Variants in GMDS observed in about 807,000 individuals in gnomAD.
GMDS encodes GDP-mannose 4,6 dehydratase.
GMDS carries 20 observed loss-of-function variants against 49.9 expected under a neutral mutation model. The ratio of observed to expected loss-of-function variants is 0.40; its 90% CI spans 0.28 to 0.58. GMDS has a LOEUF of 0.58. Ranked by LOEUF, GMDS falls within the 20% of genes least tolerant of loss-of-function variation. GMDS has a pLI of 0.42. For missense variants in GMDS, 362 were observed against 481.4 expected, an observed-to-expected ratio of 0.75 and a Z score of 2.32; for synonymous variants, 177 against 178.6, an observed-to-expected ratio of 0.99 and a Z score of 0.07.
intron 9 of GMDS, among the ~76,000 whole-genome samples, chr6:1,703,075 G>A (rs141691430): frequency 9.8e-4 from 149 of 152,314 alleles, no homozygotes; most frequent in Non-Finnish European, 4.3e-4. Flanking sequence ...GAAGGAAGCC[G>A]AGATCTTTCT....
In GMDS at chr6:2,164,641, C is replaced by G. The variant is rs147466043; in HGVS notation, c.103-39910G>C. Among the ~76,000 whole-genome samples, 1,050 of 152,278 alleles carry G rather than the reference C, an allele frequency of 6.9e-3. 14 individuals carry two copies. Among genetic ancestry groups the G allele is most frequent in the African/African-American group, 0.024 (1,012 of 41,546 alleles). ...ATCCCCATCCCAACTTTCGGCACCC[C>G]CTTCCTTCCCAATCAATGCCTTTAA... is the stretch of plus-strand genomic sequence containing the variant. On this transcript the variant is annotated intron_variant, in intron 1 of 10. Transcript: ENST00000380815.
intron 1 of GMDS, among the ~76,000 whole-genome samples, chr6:2,212,759 G>A (rs913640734): frequency 2.8e-5 from 4 of 142,340 alleles, no homozygotes; most frequent in African/African-American, 5.2e-5. Flanking sequence ...CTTACTACTT[G>A]AAAACAACAT....
chr6:2,082,563 C>A (rs1261423310), intron 4 of GMDS, among the ~76,000 whole-genome samples: 2 of 152,122 alleles, frequency 1.3e-5, no homozygotes, highest in Admixed American at 6.5e-5. Flanking sequence ...TCAAAAATAA[C>A]AAAATTAAAT....
intron 7 of GMDS, among the ~76,000 whole-genome samples, chr6:1,803,843 T>TA (rs1268243482): frequency 6.6e-6 from 1 of 152,028 alleles, no homozygotes; most frequent in Non-Finnish European, 1.5e-5. Context: ...GGTTCAGAAG[T>TA]AAAAAATGGA....
chr6:1,808,536 A>G (rs1458101304), intron 7 of GMDS, among the ~76,000 whole-genome samples: 3 of 152,298 alleles, frequency 2.0e-5, no homozygotes, highest in African/African-American at 4.8e-5. Flanking sequence ...ATTGATCACT[A>G]TTTAGAGCTT....
At chr6:2,000,439 C>CA (rs1040303765) in intron 4 of GMDS, among the ~76,000 whole-genome samples, 2 of 152,002 alleles carry the variant, frequency 1.3e-5, no homozygotes, top group Non-Finnish European at 2.9e-5. Context: ...GTCACCTCCC[C>CA]AACCCCTGTC....
At chr6:2,107,430 A>T (rs957271524) in intron 4 of GMDS, among the ~76,000 whole-genome samples, 2 of 152,222 alleles carry the variant, frequency 1.3e-5, no homozygotes, top group Admixed American at 6.5e-5. Flanking sequence ...AACATGCTCA[A>T]CTTCTTCCTA....
At chr6:1,888,731 TC>T (rs1169135132) in intron 7 of GMDS, among the ~76,000 whole-genome samples, 1 of 152,130 alleles carries the variant, frequency 6.6e-6, no homozygotes, top group Non-Finnish European at 1.5e-5. Context: ...ACAAGGCAAG[TC>T]CCTTCTGCCT....
At chr6:1,838,003 G>A (rs147046124) in intron 7 of GMDS, among the ~76,000 whole-genome samples, 9 of 152,320 alleles carry the variant, frequency 5.9e-5, no homozygotes, top group Non-Finnish European at 1.2e-4. Context: ...GGCAAAAGGT[G>A]CATGAAGGTC....
At chr6:1,760,409 G>T (rs760089339) in intron 7 of GMDS, among the ~76,000 whole-genome samples, 3 of 152,152 alleles carry the variant, frequency 2.0e-5, no homozygotes, top group Non-Finnish European at 2.9e-5. Flanking sequence ...GGGGAAGATG[G>T]CCACTTGCCC....
intron 7 of GMDS, among the ~76,000 whole-genome samples, chr6:1,764,015 T>C (rs1436605797): frequency 6.6e-6 from 1 of 152,136 alleles, no homozygotes; most frequent in Non-Finnish European, 1.5e-5. Flanking sequence ...AGAGCGGGCA[T>C]TGTAGGCCTG....
intron 1 of GMDS, among the ~76,000 whole-genome samples, chr6:2,139,955 G>T (rs1026752395): frequency 3.9e-5 from 6 of 152,222 alleles, no homozygotes; most frequent in African/African-American, 1.4e-4. Flanking sequence ...GCAGCTGAGC[G>T]CAGGAGGAGT....
intron 1 of GMDS, among the ~76,000 whole-genome samples, chr6:2,152,245 T>C (rs1438729310): frequency 6.6e-6 from 1 of 152,156 alleles, no homozygotes; most frequent in Non-Finnish European, 1.5e-5. Context: ...TAAAATCAAA[T>C]TGAATTCATT....
intron 9 of GMDS, among the ~76,000 whole-genome samples, chr6:1,671,556 C>T (rs1282498706): frequency 6.6e-6 from 1 of 152,066 alleles, no homozygotes; most frequent in South Asian, 2.1e-4. Context: ...ACGGAATCAA[C>T]GATATCATTC....
intron 4 of GMDS, among the ~76,000 whole-genome samples, chr6:1,996,122 CCTTCCTCCTTCCTCTT>C (rs1049711337): frequency 5.3e-5 from 8 of 151,716 alleles, no homozygotes; most frequent in South Asian, 2.1e-4. Flanking sequence ...CCTTCCTCCT[CCTTCCTCCTTCCTCTT>C]CTTCCTCCTT....
chr6:1,763,695 G>A (rs1348877091), intron 7 of GMDS, among the ~76,000 whole-genome samples: 2 of 152,210 alleles, frequency 1.3e-5, no homozygotes, highest in African/African-American at 4.8e-5. Context: ...TTTGCCCAGG[G>A]GGAACAATGG....
intron 4 of GMDS, among the ~76,000 whole-genome samples, chr6:2,108,613 G>A (rs1164492432): frequency 6.6e-6 from 1 of 152,294 alleles, no homozygotes; most frequent in Admixed American, 6.5e-5. Flanking sequence ...AAAGAACAAT[G>A]TTTTAAACTC....
intron 7 of GMDS, among the ~76,000 whole-genome samples, chr6:1,837,514 G>C (rs1434260345): frequency 6.6e-6 from 1 of 151,996 alleles, no homozygotes; most frequent in African/African-American, 2.4e-5. Context: ...GGTAAGTGTG[G>C]TGTACCCCCG....
intron 7 of GMDS, among the ~76,000 whole-genome samples, chr6:1,920,269 T>C (rs1036066429): frequency 4.1e-4 from 63 of 152,302 alleles, no homozygotes; most frequent in African/African-American, 1.4e-3. Flanking sequence ...GGCATTCAGG[T>C]GGCCCAAAAA....
Sources: allele counts gnomAD v4.1 joint callset (sites outside exome capture counted in the v4.1 genomes callset), GRCh38; gene constraint gnomAD v4.1.1; transcripts MANE v1.5; gene names NCBI Gene and HGNC (gene_info 2026-07-23, HGNC 2026-07-21).